The following ADAMTSL1 variants were observed in gnomAD, a reference collection of about 807,000 sequenced individuals.
The protein encoded by ADAMTSL1 is ADAMTS like 1.
Under a neutral mutation model 201.8 loss-of-function variants are expected in ADAMTSL1, and 126 were observed. The observed-to-expected ratio is 0.62, with a 90% CI of 0.54 to 0.72. The LOEUF is 0.72. Ranked by LOEUF, ADAMTSL1 falls within the 30% of genes least tolerant of loss-of-function variation. ADAMTSL1 has a pLI of 0.00. For synonymous variants in ADAMTSL1, 1,121 were observed against 903.4 expected (o/e 1.24, Z -4.32); for missense variants, 2,679 against 2,277.8 (o/e 1.18, Z -3.59).
intron 26 of ADAMTSL1, among the ~76,000 whole-genome samples, chr9:18,896,104 G>A (rs1307923880): frequency 1.3e-5 from 2 of 152,126 alleles, no homozygotes; most frequent in Non-Finnish European, 2.9e-5. Context: ...ACCCTCAAGT[G>A]AACCAACATA....
chr9:18,103,779 G>C (rs931622707), intron 1 of ADAMTSL1, among the ~76,000 whole-genome samples: 6 of 152,260 alleles, frequency 3.9e-5, no homozygotes, highest in African/African-American at 1.4e-4. Context: ...GAACTTAAAA[G>C]CTGGAAGGGG....
chr9:18,315,662 G>A (rs1022795772), intron 2 of ADAMTSL1, among the ~76,000 whole-genome samples: 11 of 152,270 alleles, frequency 7.2e-5, no homozygotes, highest in African/African-American at 2.2e-4. Context: ...TGGAACTCGC[G>A]CTGGCCCACG....
In ADAMTSL1 at chr9:18,795,387, G is replaced by A. The variant is rs771859272; in HGVS notation, c.3678-10G>A. The A allele has an allele frequency of 1.9e-6, 3 of 1,613,502 alleles. No individual in the cohort carries two copies. Among genetic ancestry groups the A allele is most frequent in the Non-Finnish European group, 2.5e-6 (3 of 1,179,700 alleles). On this transcript the variant is annotated splice_polypyrimidine_tract_variant and intron_variant, in intron 19 of 28. Transcript: ENST00000380548. ...TTGACCAGGTCTATATTTCTTTTCTGTCGCTCCAGGATTCTTCTACAGCCA... is the reference window on the plus strand; with the variant it reads ...TTGACCAGGTCTATATTTCTTTTCTATCGCTCCAGGATTCTTCTACAGCCA...
At chr9:18,592,068 A>G (rs1663516693) in intron 4 of ADAMTSL1, among the ~76,000 whole-genome samples, 1 of 152,204 alleles carries the variant, frequency 6.6e-6, no homozygotes, top group African/African-American at 2.4e-5. Flanking sequence ...TGCAGTTTTC[A>G]GTGCATCTCA....
chr9:18,431,254 C>T (rs572433450), intron 2 of ADAMTSL1, among the ~76,000 whole-genome samples: 1 of 152,286 alleles, frequency 6.6e-6, no homozygotes, highest in African/African-American at 2.4e-5. Context: ...TTCATATGTC[C>T]AGAATGCAGA....
intron 1 of ADAMTSL1, among the ~76,000 whole-genome samples, chr9:18,128,405 C>G (rs1020269596): frequency 2.0e-5 from 3 of 152,144 alleles, no homozygotes; most frequent in Admixed American, 6.5e-5. Context: ...TCCTGCCACC[C>G]AGGCTGCAGC....
intron 1 of ADAMTSL1, among the ~76,000 whole-genome samples, chr9:17,960,029 A>T (rs1817677377): frequency 6.6e-6 from 1 of 152,114 alleles, no homozygotes; most frequent in South Asian, 2.1e-4. Flanking sequence ...ACGTTATATA[A>T]ACATGTATCT....
At chr9:18,712,132 C>G (rs1251865897) in intron 14 of ADAMTSL1, among the ~76,000 whole-genome samples, 3 of 152,048 alleles carry the variant, frequency 2.0e-5, no homozygotes, top group Middle Eastern at 3.4e-3. Context: ...GTAGATAAAA[C>G]CACAAAGATG....
chr9:18,785,910 G>T (rs1821682451), intron 19 of ADAMTSL1, among the ~76,000 whole-genome samples: 1 of 152,156 alleles, frequency 6.6e-6, no homozygotes, highest in Non-Finnish European at 1.5e-5. Flanking sequence ...GATGAGGATT[G>T]ATCATTCCCC....
chr9:18,238,132 G>A (rs898416129), intron 2 of ADAMTSL1, among the ~76,000 whole-genome samples: 1 of 152,182 alleles, frequency 6.6e-6, no homozygotes, highest in African/African-American at 2.4e-5. Flanking sequence ...GATGTTGACT[G>A]TTGCCTTTCA....
chr9:18,017,327 T>C (rs1014214974), intron 1 of ADAMTSL1, among the ~76,000 whole-genome samples: 1 of 151,972 alleles, frequency 6.6e-6, no homozygotes, highest in Non-Finnish European at 1.5e-5. Flanking sequence ...TGGAATATGC[T>C]TCCAAGTTTC....
At chr9:18,091,068 CAT>C (rs34587385) in intron 1 of ADAMTSL1, among the ~76,000 whole-genome samples, 66,150 of 147,062 alleles carry the variant, frequency 0.45, 14,507 homozygotes, top group Admixed American at 0.49. Context: ...TGTGTATATG[CAT>C]GTGTGTGTGT....
intron 9 of ADAMTSL1, among the ~76,000 whole-genome samples, chr9:18,664,050 G>C (rs1238671733): frequency 6.6e-6 from 1 of 151,980 alleles, no homozygotes; most frequent in Non-Finnish European, 1.5e-5. Context: ...AGATAAGTGA[G>C]AAAAGGGAAA....
chr9:18,466,984 A>G (rs552898910), intron 2 of ADAMTSL1, among the ~76,000 whole-genome samples: 1 of 151,844 alleles, frequency 6.6e-6, no homozygotes, highest in Non-Finnish European at 1.5e-5. Flanking sequence ...TAATTCTCCT[A>G]TTTGCTTTTC....
chr9:18,123,060 A>G (rs1347852791), intron 1 of ADAMTSL1, among the ~76,000 whole-genome samples: 2 of 152,172 alleles, frequency 1.3e-5, no homozygotes, highest in Admixed American at 1.3e-4. Context: ...GATATATTTT[A>G]CCATCACTTT....
intron 1 of ADAMTSL1, among the ~76,000 whole-genome samples, chr9:18,095,266 G>A (rs1006225831): frequency 1.3e-5 from 2 of 152,094 alleles, no homozygotes; most frequent in East Asian, 1.9e-4. Flanking sequence ...AAGTACCTAC[G>A]TGCAGAGATT....
intron 17 of ADAMTSL1, among the ~76,000 whole-genome samples, chr9:18,774,872 T>C (rs1211228311): frequency 6.6e-6 from 1 of 152,216 alleles, no homozygotes; most frequent in Non-Finnish European, 1.5e-5. Flanking sequence ...TGTGGATGTA[T>C]GTTTTTGTCT....
intron 1 of ADAMTSL1, among the ~76,000 whole-genome samples, chr9:18,133,753 T>C (rs189127257): frequency 2.0e-5 from 3 of 152,284 alleles, no homozygotes; most frequent in Non-Finnish European, 2.9e-5. Flanking sequence ...CTTGTGTGTA[T>C]GTATATATTT....
chr9:18,809,731 G>T (rs571143309), intron 20 of ADAMTSL1, among the ~76,000 whole-genome samples: 2 of 152,166 alleles, frequency 1.3e-5, no homozygotes, highest in Non-Finnish European at 2.9e-5. Context: ...AGAGGTTGCA[G>T]TGAGCTGAGA....
Sources: allele counts gnomAD v4.1 joint callset (sites outside exome capture counted in the v4.1 genomes callset), GRCh38; gene constraint gnomAD v4.1.1; transcripts MANE v1.5; gene names NCBI Gene and HGNC (gene_info 2026-07-23, HGNC 2026-07-21).